The following SYNE1 variants were observed in gnomAD, a reference collection of about 807,000 sequenced individuals.
SYNE1 encodes the protein spectrin repeat containing nuclear envelope protein 1, also known as nesprin-1.
Under a neutral mutation model 1,111.0 loss-of-function variants are expected in SYNE1, and 616 were observed. That is an observed-to-expected ratio of 0.55 (90% CI 0.52 to 0.59). SYNE1 has a LOEUF of 0.59. Ranked by LOEUF, SYNE1 falls within the 20% of genes least tolerant of loss-of-function variation. SYNE1 has a pLI of 0.00. For synonymous variants in SYNE1, 3,855 were observed against 3,825.8 expected, an observed-to-expected ratio of 1.01 and a Z score of -0.28; for missense variants, 10,006 against 10,417.0, an observed-to-expected ratio of 0.96 and a Z score of 1.72.
intron 3 of SYNE1, among the ~76,000 whole-genome samples, chr6:152,551,018 T>G (rs2099344320): frequency 6.6e-6 from 1 of 152,302 alleles, no homozygotes. Flanking sequence ...ACTTCAAACC[T>G]TTTAGTTCTA....
Position 152,262,050 on chromosome 6 carries a change from T to C in SYNE1, c.18954A>G (p.Glu6318=), listed in dbSNP as rs1420884352. ...TKQKLLQNVL[E]QEQEQVLYSR... Reference sequence around the variant, plus strand: ...TTGATACCACTTGCTCTTGTTCCTGTTCCAGAACATTCTGTAGTAGTTTCT... The same window carrying C: ...TTGATACCACTTGCTCTTGTTCCTGCTCCAGAACATTCTGTAGTAGTTTCT... The change falls in exon 101 of 146, where the codon GAA becomes GAG. Residue 6318 remains glutamate, a synonymous_variant. Transcript: ENST00000367255. The C allele has an allele frequency of 3.7e-6, 6 of 1,613,598 alleles. No individual in the cohort carries two copies. Among genetic ancestry groups the C allele is most frequent in the Non-Finnish European group, 5.1e-6 (6 of 1,179,850 alleles).
intron 3 of SYNE1, among the ~76,000 whole-genome samples, chr6:152,566,450 G>A (rs2099413798): frequency 6.6e-6 from 1 of 151,986 alleles, no homozygotes. Context: ...AGAAGTGTGA[G>A]AGGAAGGAGG....
intron 14 of SYNE1, among the ~76,000 whole-genome samples, chr6:152,473,501 C>A (rs1395034977): frequency 6.6e-6 from 1 of 152,086 alleles, no homozygotes; most frequent in African/African-American, 2.4e-5. Flanking sequence ...ACCTTAGGGC[C>A]AAACTATTTC....
intron 127 of SYNE1, among the ~76,000 whole-genome samples, chr6:152,201,148 G>A (rs535684940): frequency 6.6e-6 from 1 of 152,264 alleles, no homozygotes; most frequent in South Asian, 2.1e-4. Flanking sequence ...TCAGCCTATT[G>A]CTCAGCAAAG....
At position 152,385,749 on chromosome 6, in the gene SYNE1, T is replaced by G; in HGVS notation, c.8577A>C (p.Ala2859=). The G allele has an allele frequency of 6.2e-7, 1 of 1,614,150 alleles. No homozygotes were observed. The highest frequency in any genetic ancestry group is 8.5e-7 in the Non-Finnish European group (1 of 1,180,004). The change falls in exon 55 of 146, where the codon GCA becomes GCC. Residue 2859 remains alanine, a synonymous_variant. Transcript: ENST00000367255. ...VHEFTDWLHS[A]KEELHRWSDM... is the part of the protein sequence containing the mutation. Reference sequence around the variant, plus strand: ...CTGACCACCGGTGAAGTTCTTCCTTTGCTGAATGGAGCCAATCTGTGAACT... The same window carrying G: ...CTGACCACCGGTGAAGTTCTTCCTTGGCTGAATGGAGCCAATCTGTGAACT...
intron 80 of SYNE1, among the ~76,000 whole-genome samples, 179 bp downstream of exon 80, chr6:152,325,779 A>G (rs934719963): frequency 6.6e-6 from 1 of 152,228 alleles, no homozygotes; most frequent in Non-Finnish European, 1.5e-5. Context: ...TGCATTTCCA[A>G]TGGGAATCCT....
At chr6:152,510,888 T>A in intron 7 of SYNE1, 123 bp downstream of exon 7, 1 of 904,122 alleles carries the variant, frequency 1.1e-6, no homozygotes, top group Non-Finnish European at 1.9e-6. Context: ...GTGTGAAAGG[T>A]ACATTTCTGC....
chr6:152,212,607 G>C (rs1290544913), intron 123 of SYNE1, among the ~76,000 whole-genome samples: 1 of 152,058 alleles, frequency 6.6e-6, no homozygotes, highest in Non-Finnish European at 1.5e-5. Flanking sequence ...ACAAGTTTTT[G>C]TGTGGACACA....
chr6:152,496,608 G>A (rs1220080838), intron 11 of SYNE1, among the ~76,000 whole-genome samples: 1 of 152,032 alleles, frequency 6.6e-6, no homozygotes, highest in Admixed American at 6.6e-5. Flanking sequence ...TCTTTCTTCA[G>A]TTTAATCTCT....
At chr6:152,621,221 G>A (rs1176272826) in intron 3 of SYNE1, among the ~76,000 whole-genome samples, 2 of 152,254 alleles carry the variant, frequency 1.3e-5, no homozygotes, top group East Asian at 1.9e-4. Context: ...GGAAAAAGCT[G>A]TTACAGTTAA....
rs1414617559 is a variant in SYNE1, at chr6:152,433,843, G to A, written c.4413C>T (p.Ala1471=). ...WITEKEKELN[A]LETSSSAMDM... ...CCATGGCAGATGACGAAGTTTCCAA[G>A]GCATTGAGTTCTTTTTCTTTCTCAG... is the stretch of plus-strand genomic sequence containing the variant. The change falls in exon 34 of 146, where the codon GCC becomes GCT. Residue 1471 remains alanine (A), a synonymous_variant. Coordinates refer to ENST00000367255, the MANE Select transcript of SYNE1 (RefSeq NM_182961.4). 11 of 1,613,724 alleles carry A rather than the reference G, an allele frequency of 6.8e-6. No homozygotes were observed. In the Admixed American group the frequency reaches 1.8e-4, roughly 27 times the overall value.
intron 86 of SYNE1, 46 bp from the exon 87 acceptor site, chr6:152,317,032 T>C (rs767299043): frequency 3.1e-6 from 5 of 1,609,246 alleles, no homozygotes; most frequent in Non-Finnish European, 4.2e-6. Context: ...ACTCCTCAGT[T>C]TCTTGAGCTA....
chr6:152,329,876 T>G lies in SYNE1; in HGVS notation c.14809A>C (p.Ser4937Arg), dbSNP rs780093837. The G allele has an allele frequency of 3.7e-6, 6 of 1,614,184 alleles. No homozygotes were observed. The Admixed American group carries it at 1.0e-4, about 27-fold the overall frequency. The change falls in exon 78 of 146, where the codon AGC (serine) becomes CGC (arginine). Residue 4937 changes from serine to arginine, a missense_variant. By Grantham distance (110) the Ser-to-Arg change is moderately radical. This residue lies in a region of SYNE1 where 4,955 missense variants were observed against 5,017.2 expected (regional missense o/e 0.99). Coordinates refer to ENST00000367255, the MANE Select transcript of SYNE1 (RefSeq NM_182961.4). ...CTCAGCGCATTCATGATTCTCAAGC[T>G]GGACTGGACCTCTTCCTGATGAATT... Reference protein sequence around the residue: ...IQIHQEEVQSSLRIMNALSHK... With the variant: ...IQIHQEEVQSRLRIMNALSHK...
chr6:152,396,131 T>C (rs1297085266), intron 50 of SYNE1, among the ~76,000 whole-genome samples: 1 of 152,228 alleles, frequency 6.6e-6, no homozygotes, highest in Non-Finnish European at 1.5e-5. Flanking sequence ...AGTGAATAAG[T>C]AGGGCAGTGG....
chr6:152,323,693 T>C lies in SYNE1; in HGVS notation c.15702A>G (p.Leu5234=). ...TEMIDQLQDK[L]PGSSAEKASK... is the part of the protein sequence containing the mutation. ...ATGCTTTCTCTGCTGAACTTCCAGG[T>C]AACTTATCTTGCAGCTGATCAATCA... The change falls in exon 82 of 146, where the codon TTA becomes TTG. Residue 5234 remains leucine, a synonymous_variant. Coordinates refer to ENST00000367255, the MANE Select transcript of SYNE1 (RefSeq NM_182961.4). 1 of 1,614,248 alleles carries C rather than the reference T, an allele frequency of 6.2e-7. No individual in the cohort carries two copies. Among genetic ancestry groups the C allele is most frequent in the Non-Finnish European group, 8.5e-7 (1 of 1,180,048 alleles).
chr6:152,595,128 A>G (rs564890492), intron 3 of SYNE1, among the ~76,000 whole-genome samples: 1 of 152,194 alleles, frequency 6.6e-6, no homozygotes, highest in Non-Finnish European at 1.5e-5. Flanking sequence ...GTTCTGAACT[A>G]AAAATACTGG....
intron 18 of SYNE1, chr6:152,464,915 T>A (rs2098755461): frequency 5.5e-6 from 2 of 361,852 alleles, no homozygotes; most frequent in Non-Finnish European, 1.1e-5. Flanking sequence ...TCCAGTAGTA[T>A]GTGTTTCAGC....
At position 152,135,042 on chromosome 6, in the gene SYNE1, C is replaced by T. The variant is rs888225204; in HGVS notation, c.25788+62G>A. Reference sequence around the variant, plus strand: ...AACACTTACCACTTATATTCATTTTCTGTAAATGAAATGCAACCCTGCTAA... The same window carrying T: ...AACACTTACCACTTATATTCATTTTTTGTAAATGAAATGCAACCCTGCTAA... On this transcript the variant is annotated intron_variant, in intron 142 of 145. Coordinates refer to ENST00000367255, the MANE Select transcript of SYNE1 (RefSeq NM_182961.4). 21 of 1,610,386 alleles carry T rather than the reference C, an allele frequency of 1.3e-5. No individual in the cohort carries two copies. In the African/African-American group the frequency reaches 2.5e-4, roughly 19 times the overall value.
chr6:152,139,866 G>T (rs1263025860), intron 140 of SYNE1, 84 bp downstream of exon 140: 34 of 1,448,946 alleles, frequency 2.3e-5, no homozygotes, highest in Non-Finnish European at 3.0e-5. Context: ...TGTAAGAGCA[G>T]CTCGAACTAG....
Sources: allele counts gnomAD v4.1 joint callset (sites outside exome capture counted in the v4.1 genomes callset), GRCh38; gene constraint gnomAD v4.1.1; regional missense constraint gnomAD v4.1.1; transcripts MANE v1.5; gene names NCBI Gene and HGNC (gene_info 2026-07-23, HGNC 2026-07-21).